The following LSS variants were observed in gnomAD, a reference collection of about 807,000 sequenced individuals.
LSS encodes 2,3-epoxysqualene-lanosterol cyclase.
Under a neutral mutation model 110.3 loss-of-function variants are expected in LSS, and 90 were observed. The observed-to-expected ratio is 0.82, with a 90% CI of 0.69 to 0.97. LSS has a LOEUF of 0.97. LSS is among the 50% of genes least tolerant of loss of function. The pLI is 0.00. For missense variants in LSS, 927 were observed against 990.0 expected (o/e 0.94, Z 0.85); for synonymous variants, 433 against 400.0 (o/e 1.08, Z -0.98).
chr21:46,192,706 C>G (rs766857199), intron 20 of LSS: 2 of 452,844 alleles, frequency 4.4e-6, no homozygotes, highest in African/African-American at 2.0e-5. Flanking sequence ...TCTCCATGTA[C>G]GTATGTCTGT....
chr21:46,193,158 C>T (rs918356866), intron 20 of LSS: 10 of 444,386 alleles, frequency 2.3e-5, no homozygotes, highest in Non-Finnish European at 3.1e-5. Flanking sequence ...CCTGTGTGTG[C>T]ATCTGTCTTC....
chr21:46,192,682 T>C (rs1358218496), intron 20 of LSS: 2 of 452,552 alleles, frequency 4.4e-6, no homozygotes, highest in Non-Finnish European at 8.9e-6. Flanking sequence ...TGCATAGACC[T>C]GTGTGTGCAT....
chr21:46,228,394 A>C (rs1299181083), intron 2 of LSS, 40 bp downstream of exon 2: 2 of 1,595,120 alleles, frequency 1.3e-6, no homozygotes, highest in South Asian at 2.2e-5. Flanking sequence ...CTCACCCCTC[A>C]GGGTCCCGAG....
rs570805167 is a variant in LSS, at chr21:46,204,118, C to A, written c.1670+1718G>T. Among the ~76,000 whole-genome samples the A allele has an allele frequency of 5.9e-5, 9 of 152,188 alleles. No homozygotes were observed. In the East Asian group the frequency reaches 1.4e-3, roughly 23 times the overall value. ...GACCAGCTTGGACAACATGGTAAAACCCTGTCTCTAATAAAAATACCAAAA... is the reference window on the plus strand; with the variant it reads ...GACCAGCTTGGACAACATGGTAAAAACCTGTCTCTAATAAAAATACCAAAA... On this transcript the variant is annotated intron_variant, in intron 17 of 21. Coordinates refer to ENST00000397728, the MANE Select transcript of LSS (RefSeq NM_002340.6).
intron 20 of LSS, chr21:46,192,376 C>T: frequency 2.4e-6 from 1 of 414,912 alleles, no homozygotes; most frequent in East Asian, 6.8e-5. Context: ...GGGTCCCTGA[C>T]TGTCCTGCCC....
At chr21:46,194,061 C>T (rs537159289) in intron 20 of LSS, among the ~76,000 whole-genome samples, 62 of 152,306 alleles carry the variant, frequency 4.1e-4, no homozygotes, top group African/African-American at 1.3e-3. Context: ...TGCCTGCATG[C>T]GTCTGCGTGT....
rs747702306 is a variant in LSS, at chr21:46,216,563, T to C, written c.648-39A>G. 1.3e-5 allele frequency: 20 copies of C among 1,533,210 alleles called. No individual in the cohort carries two copies. The South Asian group carries it at 2.5e-4, about 19-fold the overall frequency. 95.0% of individuals were successfully genotyped at this position (1,533,210 alleles called of 1,614,324 possible). A position where few individuals can be genotyped will look rare whatever the true frequency, so the allele number is the denominator to read the frequency against. ...AGGAGTCAGTGGGAGACCCCAAGACTCAAGCCTGCCCCCTCCGCCAGCATC... is the reference window on the plus strand; with the variant it reads ...AGGAGTCAGTGGGAGACCCCAAGACCCAAGCCTGCCCCCTCCGCCAGCATC... On this transcript the variant is annotated intron_variant, in intron 6 of 21. Coordinates refer to ENST00000397728, the MANE Select transcript of LSS (RefSeq NM_002340.6). This position sits in a 1 kb window ranked among gnomAD's most constrained non-coding sequence, Gnocchi z 4.2.
In LSS at chr21:46,190,152, T is replaced by C. The variant is rs2330408; in HGVS notation, c.*952A>G. On this transcript the variant is annotated 3_prime_UTR_variant, in exon 22 of 22. Transcript: ENST00000397728. This position sits in a 1 kb window ranked among gnomAD's most constrained non-coding sequence, Gnocchi z 4.6. ...GCCCAGGGAGTGGTGATGGGCTGGG[T>C]GCTGGCTGTCCCTGCACATAGCAGT... 0.63 allele frequency: 137,976 copies of C among 218,592 alleles called. 44,935 individuals are homozygous for C. Among genetic ancestry groups the C allele is most frequent in the East Asian group, 0.69 (4,498 of 6,478 alleles). The allele number at this position is 218,592 out of a possible 1,614,324, so 13.5% of individuals were successfully genotyped here.
chr21:46,222,101 G>A (rs1469242339), intron 4 of LSS, 126 bp from the exon 5 acceptor site: 1 of 1,066,552 alleles, frequency 9.4e-7, no homozygotes, highest in Middle Eastern at 2.4e-4. Flanking sequence ...GACATAACAT[G>A]CCAACACAGG....
chr21:46,211,293 A>T (rs2080129375), intron 11 of LSS, among the ~76,000 whole-genome samples: 1 of 151,922 alleles, frequency 6.6e-6, no homozygotes, highest in Admixed American at 6.6e-5. Context: ...CACCCAGCTA[A>T]TTTTTTTTGT....
intron 3 of LSS, among the ~76,000 whole-genome samples, chr21:46,226,748 T>A (rs2080345844): frequency 6.6e-6 from 1 of 152,188 alleles, no homozygotes; most frequent in Admixed American, 6.5e-5. Context: ...TCATTTCAAG[T>A]CTGGGACAAA....
At chr21:46,193,824 T>A (rs1425737997) in intron 20 of LSS, 8 of 384,292 alleles carry the variant, frequency 2.1e-5, no homozygotes, top group African/African-American at 1.7e-4. Context: ...TCTGTACGTG[T>A]GTGTACACAG....
Position 46,194,619 on chromosome 21 carries a change from C to G in LSS, c.1860G>C (p.Leu620=), listed in dbSNP as rs779258701. The part of the protein sequence containing the change: ...AEVSRACDFL[L]SRQMADGGWG... ...AGCCTCCGTCTGCCATCTGCCGGGACAGCAGGAAGTCACAGGCCCGGGAGA... is the reference window on the plus strand; with the variant it reads ...AGCCTCCGTCTGCCATCTGCCGGGAGAGCAGGAAGTCACAGGCCCGGGAGA... The change falls in exon 20 of 22, where the codon CTG becomes CTC. Residue 620 remains leucine (L), a synonymous_variant. Coordinates refer to ENST00000397728, the MANE Select transcript of LSS (RefSeq NM_002340.6). The G allele has an allele frequency of 1.2e-6, 2 of 1,613,732 alleles. No homozygotes were observed. Among genetic ancestry groups the G allele is most frequent in the South Asian group, 1.1e-5 (1 of 91,092 alleles).
chr21:46,217,549 T>G (rs1299781780), intron 6 of LSS, among the ~76,000 whole-genome samples: 1 of 152,166 alleles, frequency 6.6e-6, no homozygotes, highest in Non-Finnish European at 1.5e-5. Flanking sequence ...AAAGGGTGTT[T>G]TTTTTTCTCA....
intron 18 of LSS, among the ~76,000 whole-genome samples, chr21:46,195,978 C>A (rs1021470629): frequency 1.3e-5 from 2 of 152,256 alleles, no homozygotes; most frequent in Non-Finnish European, 2.9e-5. Context: ...GCGCTCCCAG[C>A]AGCCCGGCTG....
intron 17 of LSS, among the ~76,000 whole-genome samples, chr21:46,197,614 C>T (rs974601697): frequency 1.3e-5 from 2 of 152,216 alleles, no homozygotes; most frequent in East Asian, 1.9e-4. Context: ...TGCTGCCGGG[C>T]GCAGTGGCTC....
intron 6 of LSS, 24 bp downstream of exon 6, chr21:46,219,452 C>A (rs929785939): frequency 1.5e-5 from 23 of 1,548,756 alleles, no homozygotes; most frequent in Non-Finnish European, 8.8e-7. Flanking sequence ...AGCGACCCAA[C>A]AACCCAATCA....
chr21:46,215,559 GC>G, intron 8 of LSS, 125 bp downstream of exon 8: 2 of 684,954 alleles, frequency 2.9e-6, no homozygotes, highest in Non-Finnish European at 4.9e-6. Context: ...ATGAGATCCC[GC>G]CCCCTGGGGC....
rs945283425 is a variant in LSS, at chr21:46,226,721, A to G, written c.319+831T>C. Among the ~76,000 whole-genome samples, 8 of 152,252 alleles carry G rather than the reference A, an allele frequency of 5.3e-5. 1 individual carries two copies. Among genetic ancestry groups the G allele is most frequent in the Non-Finnish European group, 1.2e-4 (8 of 68,042 alleles). On this transcript the variant is annotated intron_variant, in intron 3 of 21. Transcript: ENST00000397728. ...AGGCCAACTCTTCCCAAACTAACAT[A>G]TAAGCCTATTGCAACTTCATTTCAA...
Sources: allele counts gnomAD v4.1 joint callset (sites outside exome capture counted in the v4.1 genomes callset), GRCh38; gene constraint gnomAD v4.1.1; non-coding constraint Gnocchi (gnomAD v3.1); transcripts MANE v1.5; gene names NCBI Gene and HGNC (gene_info 2026-07-23, HGNC 2026-07-21).